DNAH6: variants seen among roughly 807,000 people sequenced by gnomAD.
DNAH6 encodes the protein axonemal beta dynein heavy chain 6.
DNAH6 carries 340 observed loss-of-function variants against 491.4 expected under a neutral mutation model. The ratio of observed to expected loss-of-function variants is 0.69; its 90% confidence interval spans 0.63 to 0.76. The LOEUF is 0.76. Among genes scored for constraint, DNAH6 ranks in the 30% least tolerant of loss-of-function variants. The pLI, the probability that DNAH6 is intolerant of heterozygous loss-of-function variation, is 0.00. For synonymous variants in DNAH6, 1,603 were observed against 1,686.1 expected (o/e 0.95, Z 1.21); for missense variants, 4,443 against 4,972.2 (o/e 0.89, Z 3.20).
the DNAH6 span, among the ~76,000 whole-genome samples, chr2:84,478,215 G>T: frequency 2.6e-5 from 4 of 152,218 alleles, no homozygotes; most frequent in African/African-American, 7.2e-5. Flanking sequence ...TATGAGGAAA[G>T]ATGAATCAGG....
chr2:84,808,171 A>T (rs1270201195), intron 71 of DNAH6, among the ~76,000 whole-genome samples: 1 of 133,784 alleles, frequency 7.5e-6, no homozygotes, highest in Admixed American at 7.4e-5. Flanking sequence ...GTGTGTGTGT[A>T]TGCCCTGATA....
At chr2:84,778,295 C>A in intron 64 of DNAH6, 1 of 538,536 alleles carries the variant, frequency 1.9e-6, no homozygotes. Flanking sequence ...CAATGAGATC[C>A]GGACTTGGTG....
At chr2:84,526,683 AT>A (rs1425062830) in intron 3 of DNAH6, among the ~76,000 whole-genome samples, 2 of 152,052 alleles carry the variant, frequency 1.3e-5, no homozygotes, top group Non-Finnish European at 2.9e-5. Flanking sequence ...ACAGGAGCTT[AT>A]TTTGGGTTTG....
At chr2:84,472,447 A>C in the DNAH6 span, among the ~76,000 whole-genome samples, 1 of 152,104 alleles carries the variant, frequency 6.6e-6, no homozygotes, top group African/African-American at 2.4e-5. Context: ...CCTGTTTGAC[A>C]TGTGGCCCAG....
intron 63 of DNAH6, among the ~76,000 whole-genome samples, chr2:84,756,596 C>T (rs1403222616): frequency 1.3e-5 from 2 of 152,128 alleles, no homozygotes; most frequent in African/African-American, 4.8e-5. Flanking sequence ...TAAGATTTGT[C>T]ACTAGTGAAG....
rs1211349458 is a variant in DNAH6 at position 84,733,493 on chromosome 2, T to C, written c.10256T>C (p.Phe3419Ser). Residue 3419 changes from phenylalanine to serine, a missense_variant, in exon 62 of 77, where the codon TTC (phenylalanine) becomes TCC (serine). Phe to Ser is a radical substitution (Grantham distance 155). This residue lies in a region of DNAH6 where 1,463 missense variants were observed against 1,656.6 expected (regional missense o/e 0.88). Coordinates refer to ENST00000389394, the MANE Select transcript of DNAH6 (RefSeq NM_001370.2). ...CCCTGGCTACCTACTGCTACATGGT[T>C]CGCATGCTGTGACTTGGAAGAATCA... ...EAPWLPTATW[F>S]ACCDLEESFP... 3 of 1,551,420 alleles carry C rather than the reference T, an allele frequency of 1.9e-6. No homozygotes were observed. The highest frequency in any genetic ancestry group is 2.6e-6 in the Non-Finnish European group (3 of 1,146,828).
At position 84,549,930 on chromosome 2, in the gene DNAH6, A is replaced by G. The variant is rs369051691; in HGVS notation, c.1358A>G (p.His453Arg). The G allele has an allele frequency of 1.2e-6, 2 of 1,613,638 alleles. No individual in the cohort carries two copies. The highest frequency in any genetic ancestry group is 1.1e-5 in the South Asian group (1 of 90,940). Residue 453 changes from histidine to arginine, a missense_variant, in exon 9 of 77, where the codon CAC becomes CGC. Coordinates refer to ENST00000389394, the MANE Select transcript of DNAH6 (RefSeq NM_001370.2). ...GACTATCTAATTGAGAACACAATGC[A>G]CATCTTAACGGTAAATGCTGTTAAT... Reference protein sequence around the residue: ...LNDYLIENTMHILTVNAVNSL... With the variant: ...LNDYLIENTMRILTVNAVNSL...
intron 62 of DNAH6, among the ~76,000 whole-genome samples, chr2:84,735,650 T>G (rs760636603): frequency 2.6e-5 from 4 of 152,194 alleles, no homozygotes; most frequent in Non-Finnish European, 5.9e-5. Flanking sequence ...TTAGTCATGT[T>G]GAGCATTTTT....
At chr2:84,498,230 G>C in the DNAH6 span, among the ~76,000 whole-genome samples, 1 of 152,164 alleles carries the variant, frequency 6.6e-6, no homozygotes, top group Non-Finnish European at 1.5e-5. Context: ...AGGGACCAAG[G>C]AGTCTCATGC....
At chr2:84,567,733 C>T (rs1209249683) in intron 11 of DNAH6, among the ~76,000 whole-genome samples, 1 of 152,040 alleles carries the variant, frequency 6.6e-6, no homozygotes, top group Admixed American at 6.6e-5. Flanking sequence ...AGGACATAGG[C>T]ATGGAAAAAG....
chr2:84,730,967 A>G (rs1699071889), intron 61 of DNAH6, among the ~76,000 whole-genome samples: 1 of 152,210 alleles, frequency 6.6e-6, no homozygotes, highest in South Asian at 2.1e-4. Flanking sequence ...TTCCAGCATG[A>G]CAGTGTGAGG....
intron 16 of DNAH6, among the ~76,000 whole-genome samples, chr2:84,589,649 T>C (rs776141898): frequency 8.1e-5 from 12 of 148,246 alleles, no homozygotes; most frequent in South Asian, 2.2e-4. Context: ...GAGGCGGAGG[T>C]TGCGGTGAGC....
intron 42 of DNAH6, among the ~76,000 whole-genome samples, chr2:84,682,032 C>A (rs1009122267): frequency 5.9e-5 from 9 of 152,200 alleles, no homozygotes; most frequent in Non-Finnish European, 1.0e-4. Flanking sequence ...AGACCCATAT[C>A]CCCTGATGGT....
At chr2:84,797,089 A>G (rs1269764943) in intron 69 of DNAH6, among the ~76,000 whole-genome samples, 4 of 152,230 alleles carry the variant, frequency 2.6e-5, no homozygotes, top group African/African-American at 9.6e-5. Flanking sequence ...TGCAATCACT[A>G]TAGATAGTTG....
chr2:84,486,344 T>G, the DNAH6 span, among the ~76,000 whole-genome samples: 1 of 152,228 alleles, frequency 6.6e-6, no homozygotes, highest in Admixed American at 6.5e-5. Flanking sequence ...GGGGCTCTCC[T>G]TAAATGGTGC....
the DNAH6 span, among the ~76,000 whole-genome samples, chr2:84,509,436 C>T: frequency 1.3e-5 from 2 of 152,162 alleles, no homozygotes; most frequent in Non-Finnish European, 2.9e-5. Context: ...GGTAGATCTT[C>T]CTCCATCCCT....
chr2:84,631,218 C>T (rs1210636846), intron 29 of DNAH6, among the ~76,000 whole-genome samples: 2 of 152,144 alleles, frequency 1.3e-5, no homozygotes, highest in African/African-American at 4.8e-5. Context: ...ATGCCATAAT[C>T]GTGTCTGAAA....
chr2:84,582,077 T>C (rs934424550), intron 14 of DNAH6, among the ~76,000 whole-genome samples: 6 of 152,220 alleles, frequency 3.9e-5, no homozygotes, highest in Non-Finnish European at 7.3e-5. Flanking sequence ...TGAACAGATC[T>C]TGATGTAGAG....
At chr2:84,715,772 G>A in intron 58 of DNAH6, 145 bp downstream of exon 58, 2 of 745,020 alleles carry the variant, frequency 2.7e-6, no homozygotes, top group South Asian at 3.9e-5. Flanking sequence ...CAAGTAAGTG[G>A]CCAAGTTCTT....
Sources: gnomAD v4.1 joint callset for allele counts (sites outside exome capture counted in the v4.1 genomes callset) on GRCh38, gnomAD v4.1.1 for gene constraint, gnomAD v4.1.1 regional missense constraint, MANE v1.5 for transcripts, NCBI Gene and HGNC (gene_info 2026-07-23, HGNC 2026-07-21) for gene names.